DNAH11: variants seen among roughly 807,000 people sequenced by gnomAD.
DNAH11 encodes the protein axonemal beta dynein heavy chain 11.
A neutral mutation model predicts 526.0 loss-of-function variants in DNAH11; 442 were observed. The ratio of observed to expected loss-of-function variants is 0.84; its 90% CI spans 0.78 to 0.91. The LOEUF (loss-of-function observed/expected upper bound fraction) is 0.91. Ranked by LOEUF, DNAH11 falls within the 40% of genes least tolerant of loss-of-function variation. DNAH11 has a pLI of 0.00. For missense variants in DNAH11, 6,989 were observed against 5,448.7 expected (o/e 1.28, Z -8.90); for synonymous variants, 2,461 against 1,935.9 (o/e 1.27, Z -7.12).
chr7:21,726,860 CA>C (rs1166791175), intron 45 of DNAH11, among the ~76,000 whole-genome samples: 1 of 13,812 alleles, frequency 7.2e-5, no homozygotes, highest in African/African-American at 3.9e-4. Flanking sequence ...GACTCTGTCT[CA>C]AAAAAAAAAA....
chr7:21,803,704 G>C (rs111811543), intron 62 of DNAH11, among the ~76,000 whole-genome samples: 1 of 151,610 alleles, frequency 6.6e-6, no homozygotes, highest in Non-Finnish European at 1.5e-5. Context: ...GAAAAGTGGG[G>C]AATGGGGCTG....
At chr7:21,899,753 A>T (rs1265933031) in intron 80 of DNAH11, among the ~76,000 whole-genome samples, 1 of 152,206 alleles carries the variant, frequency 6.6e-6, no homozygotes, top group Non-Finnish European at 1.5e-5. Flanking sequence ...AAAACCACAG[A>T]CAATCCACAA....
chr7:21,790,740 G>A (rs1788445222), intron 61 of DNAH11, among the ~76,000 whole-genome samples: 1 of 152,166 alleles, frequency 6.6e-6, no homozygotes, highest in South Asian at 2.1e-4. Context: ...GAGCAGTTGG[G>A]ACACTTGAAG....
chr7:21,726,011 A>G (rs1320053642), intron 45 of DNAH11, 27 bp downstream of exon 45: 2 of 1,508,308 alleles, frequency 1.3e-6, no homozygotes, highest in African/African-American at 1.4e-5. Flanking sequence ...TAGCAATTGT[A>G]TTAGTCTGTT....
At chr7:21,637,081 T>G (rs1055379277) in intron 26 of DNAH11, among the ~76,000 whole-genome samples, 3 of 152,166 alleles carry the variant, frequency 2.0e-5, no homozygotes, top group Admixed American at 6.5e-5. Context: ...AAATTTTAAG[T>G]CATTTAACTT....
chr7:21,621,375 C>T (rs1218550457), intron 25 of DNAH11, among the ~76,000 whole-genome samples: 1 of 152,062 alleles, frequency 6.6e-6, no homozygotes, highest in East Asian at 1.9e-4. Context: ...GGATTCACAG[C>T]CGAATTCTAC....
intron 73 of DNAH11, among the ~76,000 whole-genome samples, chr7:21,872,638 A>G (rs903194010): frequency 6.6e-6 from 1 of 152,228 alleles, no homozygotes; most frequent in Non-Finnish European, 1.5e-5. Flanking sequence ...TAAAATGGAA[A>G]AGAAAAGAAT....
In DNAH11 at chr7:21,790,860, C is replaced by T. The variant is rs546597789; in HGVS notation, c.10026+1518C>T. On this transcript the variant is annotated intron_variant, in intron 61 of 81. Transcript: ENST00000409508. ...CAAAGGTGAGCATAGGCTTTCTTTG[C>T]CTTTCACACTACAGAATTTAAATTT... Among the ~76,000 whole-genome samples, 28 of 152,324 alleles carry T rather than the reference C, an allele frequency of 1.8e-4. No individual in the cohort carries two copies. In the South Asian group the frequency reaches 5.2e-3, roughly 28 times the overall value.
At chr7:21,613,427 A>G (rs1267711594) in intron 20 of DNAH11, among the ~76,000 whole-genome samples, 1 of 152,266 alleles carries the variant, frequency 6.6e-6, no homozygotes, top group Admixed American at 6.5e-5. Context: ...GAACAAACGC[A>G]TATATCCTTT....
chr7:21,784,356 C>T, intron 57 of DNAH11, 71 bp from the exon 58 acceptor site: 1 of 1,158,180 alleles, frequency 8.6e-7, no homozygotes, highest in Non-Finnish European at 1.3e-6. Flanking sequence ...TCTGAGTCAA[C>T]CTCCATTTTT....
chr7:21,889,613 C>T (rs1165217022), intron 76 of DNAH11, among the ~76,000 whole-genome samples: 1 of 152,208 alleles, frequency 6.6e-6, no homozygotes, highest in Non-Finnish European at 1.5e-5. Flanking sequence ...AGTGGTGTCA[C>T]ATTACAGTTT....
chr7:21,686,405 G>A (rs1199225882), intron 32 of DNAH11, among the ~76,000 whole-genome samples: 1 of 152,074 alleles, frequency 6.6e-6, no homozygotes, highest in Non-Finnish European at 1.5e-5. Flanking sequence ...TCCAAATAAA[G>A]AATACAGCCA....
chr7:21,859,391 G>A (rs1782971691), intron 68 of DNAH11, among the ~76,000 whole-genome samples: 1 of 152,204 alleles, frequency 6.6e-6, no homozygotes, highest in Non-Finnish European at 1.5e-5. Context: ...TGGGATTACA[G>A]GCATGAGCCA....
chr7:21,866,276 G>A (rs922778180), intron 70 of DNAH11, among the ~76,000 whole-genome samples, 194 bp from the exon 71 acceptor site: 1 of 146,730 alleles, frequency 6.8e-6, no homozygotes, highest in African/African-American at 2.5e-5. Context: ...AGGGAACCAG[G>A]GAACTCAGCT....
At chr7:21,708,452 G>A (rs1208440777) in intron 40 of DNAH11, among the ~76,000 whole-genome samples, 1 of 152,164 alleles carries the variant, frequency 6.6e-6, no homozygotes, top group Admixed American at 6.5e-5. Context: ...TGTCTCGCCT[G>A]TACTACAGCA....
chr7:21,856,062 G>A (rs748299580), intron 68 of DNAH11, among the ~76,000 whole-genome samples: 5 of 152,156 alleles, frequency 3.3e-5, no homozygotes, highest in Non-Finnish European at 7.4e-5. Context: ...AGGGATTCCA[G>A]GTAGTGAGTG....
chr7:21,648,246 G>A (rs975426739), intron 28 of DNAH11, among the ~76,000 whole-genome samples: 4 of 152,266 alleles, frequency 2.6e-5, no homozygotes, highest in East Asian at 1.9e-4. Flanking sequence ...ATAAAAGTAC[G>A]TAACGTACAA....
In DNAH11 at chr7:21,687,103, T is replaced by C; in HGVS notation, c.5626T>C (p.Tyr1876His). ...LVITPLTDRCYITLTQSLHLT... is the reference protein window; with the variant it reads ...LVITPLTDRCHITLTQSLHLT... Reference sequence around the variant, plus strand: ...TGTGTTTTCTATTGCTTAAAGGTGTTATATTACCTTAACTCAATCACTTCA... The same window carrying C: ...TGTGTTTTCTATTGCTTAAAGGTGTCATATTACCTTAACTCAATCACTTCA... Residue 1876 changes from tyrosine (Y) to histidine (H), a missense_variant, in exon 33 of 82, where the codon TAT (tyrosine) becomes CAT (histidine). By Grantham distance (83) the Tyr-to-His change is moderately conservative (BLOSUM62 2). Coordinates refer to ENST00000409508, the MANE Select transcript of DNAH11 (RefSeq NM_001277115.2). 6.2e-7 allele frequency: 1 copy of C among 1,612,614 alleles called. No homozygotes were observed. Among genetic ancestry groups the C allele is most frequent in the Non-Finnish European group, 8.5e-7 (1 of 1,179,376 alleles).
chr7:21,693,747 C>G (rs114524345), intron 35 of DNAH11, among the ~76,000 whole-genome samples: 1,893 of 152,142 alleles, frequency 0.012, 39 homozygotes, highest in African/African-American at 0.044. Context: ...TTGGCACACA[C>G]TGGTTCATTG....
Sources: gnomAD v4.1 joint callset for allele counts (sites outside exome capture counted in the v4.1 genomes callset) on GRCh38, gnomAD v4.1.1 for gene constraint, MANE v1.5 for transcripts, NCBI Gene and HGNC (gene_info 2026-07-23, HGNC 2026-07-21) for gene names.